CLK4: variants seen among roughly 807,000 people sequenced by gnomAD.
The protein encoded by CLK4 is CDC like kinase 4, also known as dual specificity protein kinase CLK4.
Under a neutral mutation model 64.4 loss-of-function variants are expected in CLK4, and 37 were observed. That is an observed-to-expected ratio of 0.57 (90% confidence interval 0.44 to 0.76). The LOEUF is 0.76. CLK4 is among the 30% of genes least tolerant of loss of function. The probability of loss-of-function intolerance (pLI) is 0.00; values close to 1 mark genes in which losing one functional copy is unlikely to be tolerated. For missense variants in CLK4, 457 were observed against 605.1 expected (o/e 0.76, Z 2.57); for synonymous variants, 175 against 191.6 (o/e 0.91, Z 0.72).
Position 178,612,522 on chromosome 5 carries a change from T to C in CLK4, c.945A>G (p.Lys315=). 6.2e-7 allele frequency: 1 copy of C among 1,614,132 alleles called. No individual in the cohort carries two copies. The highest frequency in any genetic ancestry group is 8.5e-7 in the Non-Finnish European group (1 of 1,179,976). The change falls in exon 9 of 13, where the codon AAA becomes AAG. Residue 315 remains lysine (K), a synonymous_variant. Transcript: ENST00000316308. Reference sequence around the variant, plus strand: ...AGTCAACAACTTTGATATCTGTGTTTTTCAGTGTGCGTTCATCACGTTTCT... The same window carrying C: ...AGTCAACAACTTTGATATCTGTGTTCTTCAGTGTGCGTTCATCACGTTTCT... ...SKMKRDERTL[K]NTDIKVVDFG... is the part of the protein sequence containing the mutation.
At chr5:178,623,508 C>T in intron 1 of CLK4, 92 bp from the exon 2 acceptor site, 1 of 1,114,336 alleles carries the variant, frequency 9.0e-7, no homozygotes, top group Non-Finnish European at 1.2e-6. Context: ...TATCAAAACC[C>T]AACACACAGG....
chr5:178,610,677 G>A (rs1764543660), intron 9 of CLK4, among the ~76,000 whole-genome samples: 1 of 152,012 alleles, frequency 6.6e-6, no homozygotes, highest in African/African-American at 2.4e-5. Flanking sequence ...AGCACTTTGG[G>A]AGGCCAAGGC....
At position 178,617,474 on chromosome 5, in the gene CLK4, A is replaced by T. The variant is rs1457533131; in HGVS notation, c.385-40T>A. ...GGGCAGCACCAAGATCGTCCAGCCA[A>T]TCAATATATCAGAGTGAATTCAGGG... On this transcript the variant is annotated intron_variant, in intron 3 of 12. Transcript: ENST00000316308. The surrounding 1 kb of genome is among the most constrained non-coding windows in gnomAD (Gnocchi z 5.2). The T allele has an allele frequency of 6.6e-7, 1 of 1,520,786 alleles. No homozygotes were observed. The highest frequency in any genetic ancestry group is 9.1e-7 in the Non-Finnish European group (1 of 1,096,912). 94.2% of individuals were successfully genotyped at this position (1,520,786 alleles called of 1,614,324 possible). A position where few individuals can be genotyped will look rare whatever the true frequency, so the allele number is the denominator to read the frequency against.
chr5:178,623,549 G>A (rs1428002663), intron 1 of CLK4, 133 bp from the exon 2 acceptor site: 4 of 626,144 alleles, frequency 6.4e-6, no homozygotes, highest in Non-Finnish European at 9.4e-6. Flanking sequence ...TTTTTAGGTG[G>A]TAATGCTTCC....
At chr5:178,613,068 T>C (rs2113806316) in intron 7 of CLK4, among the ~76,000 whole-genome samples, 178 bp from the exon 8 acceptor site, 1 of 152,340 alleles carries the variant, frequency 6.6e-6, no homozygotes, top group South Asian at 2.1e-4. Context: ...AAACAAGTTT[T>C]CTGGTGCTTA....
At position 178,603,164 on chromosome 5, in the gene CLK4, G is replaced by C. The variant is rs1416038315; in HGVS notation, c.*453C>G. Reference sequence around the variant, plus strand: ...TTCTGAGTTTTGGTTTCTAGTACCTGCTTATCTAGAGTTAATAATAATCAC... The same window carrying C: ...TTCTGAGTTTTGGTTTCTAGTACCTCCTTATCTAGAGTTAATAATAATCAC... On this transcript the variant is annotated 3_prime_UTR_variant, in exon 13 of 13. Transcript: ENST00000316308. The C allele has an allele frequency of 2.0e-5, 3 of 152,610 alleles. No homozygotes were observed. The highest frequency in any genetic ancestry group is 2.0e-4 in the Admixed American group (3 of 15,284). 9.5% of individuals were successfully genotyped at this position (152,610 alleles called of 1,614,324 possible).
rs188594902 is a variant in CLK4 at position 178,603,294 on chromosome 5, C to T, written c.*323G>A. The stretch of plus-strand genomic sequence containing the variant: ...ATAAAGTAGTCAAGATTTCCTTTTA[C>T]TCAAAAAAAATCACTTCAGAGGTGA... On this transcript the variant is annotated 3_prime_UTR_variant, in exon 13 of 13. Transcript: ENST00000316308. The T allele has an allele frequency of 6.1e-6, 1 of 165,052 alleles. No homozygotes were observed. The highest frequency in any genetic ancestry group is 1.6e-4 in the East Asian group (1 of 6,062). 10.2% of individuals were successfully genotyped at this position (165,052 alleles called of 1,614,324 possible). A position where few individuals can be genotyped will look rare whatever the true frequency, so the allele number is the denominator to read the frequency against.
intron 3 of CLK4, 165 bp downstream of exon 3, chr5:178,618,391 A>C (rs944285499): frequency 1.6e-5 from 4 of 248,796 alleles, no homozygotes; most frequent in Non-Finnish European, 2.9e-5. Flanking sequence ...GATCAGCTAC[A>C]AGAATTTGGA....
Position 178,605,287 on chromosome 5 carries a change from G to A in CLK4, c.1214+16C>T. ...ATTGCACATATCCAACAAAAGTCTT[G>A]AATCTTAAAACATACCTTGTTTTCT... On this transcript the variant is annotated intron_variant, in intron 11 of 12. Transcript: ENST00000316308. 1 of 1,525,934 alleles carries A rather than the reference G, an allele frequency of 6.6e-7. No individual in the cohort carries two copies. The highest frequency in any genetic ancestry group is 8.8e-7 in the Non-Finnish European group (1 of 1,130,886). 94.5% of individuals were successfully genotyped at this position (1,525,934 alleles called of 1,614,324 possible).
Position 178,625,276 on chromosome 5 carries a change from A to T in CLK4, c.-1+1670T>A, listed in dbSNP as rs180813290. On this transcript the variant is annotated intron_variant, in intron 1 of 12. Coordinates refer to ENST00000316308, the MANE Select transcript of CLK4 (RefSeq NM_020666.3). ...ACACGGCGAAACCCTGCCTTTACAA[A>T]AAATACAAAAAATTAGCCGCACATG... is the stretch of plus-strand genomic sequence containing the variant. Among the ~76,000 whole-genome samples, 1,025 of 152,176 alleles carry T rather than the reference A, an allele frequency of 6.7e-3. 8 individuals are homozygous for T. Among genetic ancestry groups the T allele is most frequent in the Non-Finnish European group, 8.7e-3 (590 of 68,010 alleles).
chr5:178,613,630 G>C lies in CLK4; in HGVS notation c.669C>G (p.Val223=). 1 of 1,609,930 alleles carries C rather than the reference G, an allele frequency of 6.2e-7. No homozygotes were observed. Among genetic ancestry groups the C allele is most frequent in the Non-Finnish European group, 8.5e-7 (1 of 1,178,174 alleles). The change falls in exon 7 of 13, where the codon GTC becomes GTG. Residue 223 remains valine (V), a synonymous_variant. Coordinates refer to ENST00000316308, the MANE Select transcript of CLK4 (RefSeq NM_020666.3). ...GATGATCAAACCATTCTAGCATCTG[G>C]ACACATCGGCTAAAACAGAGCAAAA... is the stretch of plus-strand genomic sequence containing the variant. ...STDPNSVFRC[V]QMLEWFDHHG... is the part of the protein sequence containing the mutation.
intron 5 of CLK4, among the ~76,000 whole-genome samples, 184 bp downstream of exon 5, chr5:178,616,698 A>C (rs1044109938): frequency 9.2e-5 from 14 of 152,150 alleles, no homozygotes; most frequent in African/African-American, 3.1e-4. Context: ...TGAGAGGCTG[A>C]AGCAGGAGAA....
chr5:178,608,574 C>A (rs1049418110), intron 9 of CLK4, 116 bp from the exon 10 acceptor site: 4 of 648,476 alleles, frequency 6.2e-6, no homozygotes, highest in Middle Eastern at 2.6e-4. Context: ...GAATAAGACA[C>A]CAAATTCAGG....
rs905023319 is a variant in CLK4, at chr5:178,604,000, A to G, written c.1215-66T>C. ...AGAGTCGTATCTTTACCCTGCACCC[A>G]TGAGGGGAGACATGGAAAGCAGCTC... On this transcript the variant is annotated intron_variant, in intron 11 of 12. Transcript: ENST00000316308. 4.3e-6 allele frequency: 5 copies of G among 1,171,690 alleles called. No individual in the cohort carries two copies. In the African/African-American group the frequency reaches 7.8e-5, roughly 18 times the overall value. The allele number at this position is 1,171,690 out of a possible 1,614,324, so 72.6% of individuals were successfully genotyped here. A position where few individuals can be genotyped will look rare whatever the true frequency, so the allele number is the denominator to read the frequency against.
At chr5:178,609,465 C>A (rs1184016804) in intron 9 of CLK4, among the ~76,000 whole-genome samples, 11 of 151,488 alleles carry the variant, frequency 7.3e-5, no homozygotes, top group Non-Finnish European at 4.4e-5. Flanking sequence ...GGTGGATCAC[C>A]AGGTTGGCAG....
At chr5:178,612,302 A>C in intron 9 of CLK4, 114 bp downstream of exon 9, 1 of 931,344 alleles carries the variant, frequency 1.1e-6, no homozygotes, top group South Asian at 2.2e-5. Context: ...GAAAATAGAA[A>C]ACGTTTTCTG....
chr5:178,607,210 C>T (rs1764479868), intron 10 of CLK4, among the ~76,000 whole-genome samples: 1 of 151,336 alleles, frequency 6.6e-6, no homozygotes, highest in Non-Finnish European at 1.5e-5. Context: ...GACCAGTCTA[C>T]TTTTGGAATC....
chr5:178,620,482 T>C (rs1764693890), intron 2 of CLK4: 1 of 328,616 alleles, frequency 3.0e-6, no homozygotes. Flanking sequence ...TAATGGCCAA[T>C]GACCAAGGCT....
Position 178,616,893 on chromosome 5 carries a change from A to T in CLK4, c.531T>A (p.Ile177=), listed in dbSNP as rs773316322. The T allele has an allele frequency of 3.7e-6, 6 of 1,612,762 alleles. No individual in the cohort carries two copies. Among genetic ancestry groups the T allele is most frequent in the Non-Finnish European group, 5.1e-6 (6 of 1,178,710 alleles). ...AAAAACAAACTTACATGCCATGATC[A>T]ATGCACTCTACAACTTTGCCAAAGG... is the stretch of plus-strand genomic sequence containing the variant. ...EGAFGKVVEC[I]DHGMDGMHVA... The change falls in exon 5 of 13, where the codon ATT becomes ATA. Residue 177 remains isoleucine (I), a synonymous_variant. Coordinates refer to ENST00000316308, the MANE Select transcript of CLK4 (RefSeq NM_020666.3).
Sources: gnomAD v4.1 joint callset for allele counts (sites outside exome capture counted in the v4.1 genomes callset) on GRCh38, gnomAD v4.1.1 for gene constraint, Gnocchi (gnomAD v3.1) non-coding constraint, MANE v1.5 for transcripts, NCBI Gene and HGNC (gene_info 2026-07-23, HGNC 2026-07-21) for gene names.